Variants in TP73 observed in about 807,000 individuals in gnomAD.
TP73 encodes the protein tumor protein p73, also known as p53-like transcription factor.
A neutral mutation model predicts 62.5 loss-of-function variants in TP73; 25 were observed. That is an observed-to-expected ratio of 0.40 (90% CI 0.29 to 0.56). The LOEUF (loss-of-function observed/expected upper bound fraction) is 0.56, where lower values mean the gene tolerates loss of function less well. Ranked by LOEUF, TP73 falls within the 20% of genes least tolerant of loss-of-function variation. The pLI is 0.46. For synonymous variants in TP73, 423 were observed against 377.5 expected, an observed-to-expected ratio of 1.12 and a Z score of -1.40; for missense variants, 754 against 913.3, an observed-to-expected ratio of 0.83 and a Z score of 2.25.
In TP73 at chr1:3,678,915, T is replaced by C. The variant is rs77710898; in HGVS notation, c.-33-3418T>C. Reference sequence around the variant, plus strand: ...TCAGGCAAACAGGCCTGGGGATGTTTGGGGACCCAACTCCTGGCGTGGAGG... The same window carrying C: ...TCAGGCAAACAGGCCTGGGGATGTTCGGGGACCCAACTCCTGGCGTGGAGG... On this transcript the variant is annotated intron_variant, in intron 1 of 13. Transcript: ENST00000378295. Among the ~76,000 whole-genome samples, 24 of 152,324 alleles carry C rather than the reference T, an allele frequency of 1.6e-4. No homozygotes were observed. The East Asian group carries it at 4.2e-3, about 27-fold the overall frequency.
chr1:3,730,213 C>T (rs565340525), intron 11 of TP73, 65 bp downstream of exon 11: 243 of 1,421,138 alleles, frequency 1.7e-4, no homozygotes, highest in Non-Finnish European at 2.2e-4. Context: ...GCGCCTAGCT[C>T]AGGACACACC....
At chr1:3,729,830 G>A in intron 10 of TP73, 170 bp from the exon 11 acceptor site, 3 of 1,022,294 alleles carry the variant, frequency 2.9e-6, no homozygotes, top group Non-Finnish European at 4.2e-6. Flanking sequence ...CGCAGGCCCA[G>A]TGGCCGTGCA....
At position 3,727,741 on chromosome 1, in the gene TP73, C is replaced by T. The variant is rs1641788147; in HGVS notation, c.956C>T (p.Ser319Phe). The T allele has an allele frequency of 2.6e-6, 4 of 1,552,174 alleles. No individual in the cohort carries two copies. Among genetic ancestry groups the T allele is most frequent in the Non-Finnish European group, 3.5e-6 (4 of 1,148,858 alleles). Residue 319 changes from serine (S) to phenylalanine (F), a missense_variant, in exon 8 of 14, where the codon TCC becomes TTC. Around this residue, in one of 3 missense-constraint regions of TP73, gnomAD observed 458 missense variants for 528.7 expected, o/e 0.87. Transcript: ENST00000378295. ...YREQQALNES[S>F]AKNGAASKRA... ...GAGCAGCAGGCCCTGAACGAGAGCT[C>T]CGCCAAGAACGGGGCCGCCAGCAAG...
chr1:3,690,753 C>G, intron 3 of TP73: 1 of 1,459,756 alleles, frequency 6.9e-7, no homozygotes. Flanking sequence ...CCAGCATCCT[C>G]GGCTCCTGCC....
chr1:3,659,674 G>T lies in TP73; in HGVS notation c.-34+7033G>T, dbSNP rs1644948393. 2.0e-5 allele frequency among the ~76,000 whole-genome samples: 3 copies of T among 151,712 alleles called. No individual in the cohort carries two copies. In the South Asian group the frequency reaches 6.2e-4, roughly 32 times the overall value. ...TTTCTACTAAAAATAATCTCAGTAA[G>T]ATTATTATTATTATTATTATTTTTG... On this transcript the variant is annotated intron_variant, in intron 1 of 13. Transcript: ENST00000378295.
In TP73 at chr1:3,732,991, A is replaced by AG; in HGVS notation, c.1824dup (p.Trp609ValfsTer106). The AG allele has an allele frequency of 6.3e-7, 1 of 1,587,874 alleles. No homozygotes were observed. Reference sequence around the variant, plus strand: ...GGCGGCCCAGGCGGCGGCCCTGACGAGTGGGCGGACTTCGGCTTCGACCTG... The same window carrying AG: ...GGCGGCCCAGGCGGCGGCCCTGACGAGGTGGGCGGACTTCGGCTTCGACCTG... On this transcript the variant is annotated frameshift_variant, in exon 14 of 14. Transcript: ENST00000378295. LOFTEE classifies it high-confidence loss of function.
chr1:3,663,707 A>AAAAAGAAAG lies in TP73; in HGVS notation c.-34+11069_-34+11070insAGAAAGAAA, dbSNP rs796255658. 1.3e-5 allele frequency among the ~76,000 whole-genome samples: 2 copies of AAAAAGAAAG among 148,786 alleles called. No homozygotes were observed. Among genetic ancestry groups the AAAAAGAAAG allele is most frequent in the South Asian group, 2.1e-4 (1 of 4,744 alleles). On this transcript the variant is annotated intron_variant, in intron 1 of 13. Coordinates refer to ENST00000378295, the MANE Select transcript of TP73 (RefSeq NM_005427.4). This position sits in a 1 kb window ranked among gnomAD's most constrained non-coding sequence, Gnocchi z 4.7. Reference sequence around the variant, plus strand: ...CGAGACTCCATCTCAAAAAAAAAAAAAAAGAAAGAAAGAAAGGATACAGAC... The same window carrying AAAAAGAAAG: ...CGAGACTCCATCTCAAAAAAAAAAAAAAAAGAAAGAAAGAAAGAAAGAAAGGATACAGAC...
intron 3 of TP73, among the ~76,000 whole-genome samples, chr1:3,686,400 T>C (rs989359197): frequency 4.6e-5 from 7 of 152,166 alleles, no homozygotes; most frequent in African/African-American, 1.7e-4. Context: ...CTCCATGTCC[T>C]TGCTGGTGAA....
intron 1 of TP73, among the ~76,000 whole-genome samples, chr1:3,661,688 C>A (rs868860136): frequency 4.1e-5 from 6 of 147,074 alleles, no homozygotes; most frequent in Admixed American, 6.9e-5. Context: ...CCAGCCTGAG[C>A]AACAAACTGT....
intron 4 of TP73, chr1:3,712,074 A>T (rs1014520433): frequency 5.9e-5 from 9 of 152,112 alleles, no homozygotes; most frequent in Non-Finnish European, 1.3e-4. Flanking sequence ...CAGGAGAATA[A>T]TAGCGGAGGT....
intron 1 of TP73, among the ~76,000 whole-genome samples, chr1:3,669,668 C>A (rs76073395): frequency 6.6e-6 from 1 of 152,162 alleles, no homozygotes; most frequent in South Asian, 2.1e-4. Flanking sequence ...AGCCATGCCC[C>A]GGCCTCCCCG....
At chr1:3,719,804 T>G (rs1464253697) in intron 4 of TP73, among the ~76,000 whole-genome samples, 2 of 152,188 alleles carry the variant, frequency 1.3e-5, no homozygotes, top group Non-Finnish European at 2.9e-5. Flanking sequence ...TGCCCAAGCC[T>G]GCAGCTCCGA....
At position 3,729,231 on chromosome 1, in the gene TP73, A is replaced by C. The variant is rs371788817; in HGVS notation, c.1075-96A>C. On this transcript the variant is annotated intron_variant, in intron 9 of 13. Transcript: ENST00000378295. The stretch of plus-strand genomic sequence containing the variant: ...GCTGGGGAACCCCCAGAAAGGACAG[A>C]TGCTTTGCCAAGCCCAGGTCCTCCT... 2.4e-4 allele frequency: 365 copies of C among 1,543,852 alleles called. No homozygotes were observed. In the African/African-American group the frequency reaches 4.5e-3, roughly 19 times the overall value.
At position 3,730,012 on chromosome 1, in the gene TP73, G is replaced by A; in HGVS notation, c.1209G>A (p.Gln403=). ...TGCTTCTGAGCAGGAGTCACCTACAGCCCCCGTCCTACGGGCCGGTCCTCT... is the reference window on the plus strand; with the variant it reads ...TGCTTCTGAGCAGGAGTCACCTACAACCCCCGTCCTACGGGCCGGTCCTCT... ...QQLLQRPSHL[Q]PPSYGPVLSP... is the part of the protein sequence containing the mutation. Residue 403 remains glutamine (Q), a synonymous_variant, in exon 11 of 14, where the codon CAG becomes CAA. Coordinates refer to ENST00000378295, the MANE Select transcript of TP73 (RefSeq NM_005427.4). The A allele has an allele frequency of 6.3e-7, 1 of 1,597,110 alleles. No individual in the cohort carries two copies. The highest frequency in any genetic ancestry group is 8.6e-7 in the Non-Finnish European group (1 of 1,168,088).
intron 3 of TP73, among the ~76,000 whole-genome samples, chr1:3,684,156 CCCAGCGAGG>C (rs1645590073): frequency 1.3e-5 from 2 of 152,252 alleles, no homozygotes; most frequent in Non-Finnish European, 2.9e-5. Context: ...ACCTGGGAGG[CCCAGCGAGG>C]CCAGCCGTCC....
intron 3 of TP73, among the ~76,000 whole-genome samples, chr1:3,695,369 G>A (rs1262024977): frequency 6.6e-6 from 1 of 152,228 alleles, no homozygotes; most frequent in Non-Finnish European, 1.5e-5. Context: ...TAGCCAGGGT[G>A]ATGGGAGACA....
intron 4 of TP73, among the ~76,000 whole-genome samples, chr1:3,711,867 T>TGC (rs1553142279): frequency 2.7e-5 from 4 of 147,906 alleles, no homozygotes; most frequent in East Asian, 3.9e-4. Context: ...TGTGTGTGTG[T>TGC]GCGCGAGCAT....
intron 1 of TP73, among the ~76,000 whole-genome samples, chr1:3,676,231 G>A (rs1400268401): frequency 1.3e-5 from 2 of 150,408 alleles, no homozygotes; most frequent in African/African-American, 4.9e-5. Flanking sequence ...AGGTCAAAGG[G>A]ACAGGGAACA....
chr1:3,681,622 C>T (rs901898270), intron 1 of TP73, among the ~76,000 whole-genome samples: 28 of 152,284 alleles, frequency 1.8e-4, no homozygotes, highest in Middle Eastern at 3.4e-3. Flanking sequence ...TCCCTGTGGC[C>T]CTGGGGTGCA....
Sources: gnomAD v4.1 joint callset for allele counts (sites outside exome capture counted in the v4.1 genomes callset) on GRCh38, gnomAD v4.1.1 for gene constraint, gnomAD v4.1.1 regional missense constraint, Gnocchi (gnomAD v3.1) non-coding constraint, MANE v1.5 for transcripts, NCBI Gene and HGNC (gene_info 2026-07-23, HGNC 2026-07-21) for gene names.